Variants in FN3KRP observed in about 807,000 individuals in gnomAD.
FN3KRP encodes fructosamine 3 kinase related protein.
A neutral mutation model predicts 29.8 loss-of-function variants in FN3KRP; 33 were observed. The ratio of observed to expected loss-of-function variants is 1.11; its 90% CI spans 0.84 to 1.48. The LOEUF (loss-of-function observed/expected upper bound fraction) is 1.48, where lower values mean the gene tolerates loss of function less well. Among genes scored for constraint, FN3KRP ranks in the 40% most tolerant of loss-of-function variants. FN3KRP has a pLI of 0.00. For synonymous variants in FN3KRP, 157 were observed against 155.2 expected, an observed-to-expected ratio of 1.01 and a Z score of -0.09; for missense variants, 430 against 402.6, an observed-to-expected ratio of 1.07 and a Z score of -0.58.
At chr17:82,726,344 T>G in intron 4 of FN3KRP, 136 bp from the exon 5 acceptor site, 1 of 1,063,360 alleles carries the variant, frequency 9.4e-7, no homozygotes, top group Non-Finnish European at 1.4e-6. Flanking sequence ...GGTTCCCCCC[T>G]CAGGCTCCTG....
At chr17:82,723,685 G>A (rs960504174) in intron 4 of FN3KRP, among the ~76,000 whole-genome samples, 9 of 151,424 alleles carry the variant, frequency 5.9e-5, no homozygotes, top group African/African-American at 2.2e-4. Flanking sequence ...ATGTGTGCAG[G>A]CGTGTGTGCG....
At chr17:82,718,613 G>T (rs1339336700) in intron 1 of FN3KRP, 4 of 1,149,032 alleles carry the variant, frequency 3.5e-6, no homozygotes, top group Non-Finnish European at 4.3e-6. Flanking sequence ...GATCTTAGTG[G>T]AATATTAGTG....
Position 82,727,494 on chromosome 17 carries a change from G to A in FN3KRP, c.*323G>A, listed in dbSNP as rs1234212537. On this transcript the variant is annotated 3_prime_UTR_variant, in exon 6 of 6. Transcript: ENST00000269373. ...CCTGTGGGTGCGGGGGAGGGTATCC[G>A]GTGCGCAGGGAGGTGGCCAGCGCCC... 5 of 251,556 alleles carry A rather than the reference G, an allele frequency of 2.0e-5. No individual in the cohort carries two copies. The highest frequency in any genetic ancestry group is 1.1e-4 in the African/African-American group (5 of 45,566). The allele number at this position is 251,556 out of a possible 1,614,324, so 15.6% of individuals were successfully genotyped here.
chr17:82,726,817 A>G lies in FN3KRP; in HGVS notation c.592-16A>G. On this transcript the variant is annotated splice_polypyrimidine_tract_variant and intron_variant, in intron 5 of 5. Coordinates refer to ENST00000269373, the MANE Select transcript of FN3KRP (RefSeq NM_024619.4). ...GCGTTGATCAATTTGCTGAGGCTCC[A>G]TTTTCCTCCCTGCAGTTAAAGATCC... is the stretch of plus-strand genomic sequence containing the variant. The G allele has an allele frequency of 6.6e-7, 1 of 1,524,150 alleles. No homozygotes were observed. Among genetic ancestry groups the G allele is most frequent in the Non-Finnish European group, 8.8e-7 (1 of 1,138,416 alleles). 94.4% of individuals were successfully genotyped at this position (1,524,150 alleles called of 1,614,324 possible).
rs766105015 is a variant in FN3KRP at position 82,726,433 on chromosome 17, G to A, written c.469-47G>A. On this transcript the variant is annotated intron_variant, in intron 4 of 5. Coordinates refer to ENST00000269373, the MANE Select transcript of FN3KRP (RefSeq NM_024619.4). ...CTTGTGGGTAGCTGAGCTCTCCCTT[G>A]GTTCTGGCATTTTCCAGTGAACTGT... 6 of 1,593,690 alleles carry A rather than the reference G, an allele frequency of 3.8e-6. No individual in the cohort carries two copies. In the South Asian group the frequency reaches 6.8e-5, roughly 18 times the overall value.
chr17:82,724,488 C>G (rs545006207), intron 4 of FN3KRP, among the ~76,000 whole-genome samples: 18 of 152,056 alleles, frequency 1.2e-4, no homozygotes, highest in African/African-American at 4.3e-4. Flanking sequence ...CCTGTAATCC[C>G]AGCTACTCTG....
At position 82,726,514 on chromosome 17, in the gene FN3KRP, A is replaced by C. The variant is rs776142407; in HGVS notation, c.503A>C (p.Tyr168Ser). The C allele has an allele frequency of 6.2e-7, 1 of 1,614,116 alleles. No homozygotes were observed. The highest frequency in any genetic ancestry group is 1.1e-5 in the South Asian group (1 of 91,090). The change falls in exon 5 of 6, where the codon TAT becomes TCT. Residue 168 changes from tyrosine (Y) to serine (S), a missense_variant. By Grantham distance (144) the Tyr-to-Ser change is moderately radical. Coordinates refer to ENST00000269373, the MANE Select transcript of FN3KRP (RefSeq NM_024619.4). ...NDWQEDWVVFYARQRIQPQMD... is the reference protein window; with the variant it reads ...NDWQEDWVVFSARQRIQPQMD... Reference sequence around the variant, plus strand: ...TGGCAGGAGGACTGGGTCGTGTTCTATGCCCGGCAGCGCATTCAGCCCCAG... The same window carrying C: ...TGGCAGGAGGACTGGGTCGTGTTCTCTGCCCGGCAGCGCATTCAGCCCCAG...
Position 82,722,894 on chromosome 17 carries a change from C to T in FN3KRP, c.468+8C>T, listed in dbSNP as rs2046808555. 1 of 1,613,014 alleles carries T rather than the reference C, an allele frequency of 6.2e-7. No individual in the cohort carries two copies. Among genetic ancestry groups the T allele is most frequent in the Non-Finnish European group, 8.5e-7 (1 of 1,179,196 alleles). The stretch of plus-strand genomic sequence containing the variant: ...TGTGGATACCTCCCCCAGGTGAGTG[C>T]ACGGCGTTTGCTTCTATTTCACAAT... On this transcript the variant is annotated splice_region_variant and intron_variant, in intron 4 of 5. Coordinates refer to ENST00000269373, the MANE Select transcript of FN3KRP (RefSeq NM_024619.4).
In FN3KRP at chr17:82,727,188, AAGG is replaced by A. The variant is rs762806453; in HGVS notation, c.*21_*23del. 32 of 1,605,652 alleles carry A rather than the reference AAGG, an allele frequency of 2.0e-5. No homozygotes were observed. Among genetic ancestry groups the A allele is most frequent in the Non-Finnish European group, 2.6e-5 (30 of 1,174,506 alleles). ...GTCAAGTGAGCGGGCCTTACTCTGG[AAGG>A]AGGCCTCAGAGGTTTCTCCACAGTC... On this transcript the variant is annotated 3_prime_UTR_variant, in exon 6 of 6. Transcript: ENST00000269373.
At chr17:82,721,380 A>G (rs1466810343) in intron 3 of FN3KRP, among the ~76,000 whole-genome samples, 2 of 150,742 alleles carry the variant, frequency 1.3e-5, no homozygotes, top group African/African-American at 4.9e-5. Flanking sequence ...GAGCCACTGC[A>G]CCCTGCCTGA....
chr17:82,726,504 G>T lies in FN3KRP; in HGVS notation c.493G>T (p.Val165Phe), dbSNP rs145864431. 2.5e-6 allele frequency: 4 copies of T among 1,614,158 alleles called. No individual in the cohort carries two copies. The highest frequency in any genetic ancestry group is 3.3e-5 in the Admixed American group (2 of 60,018). Residue 165 changes from valine to phenylalanine, a missense_variant, in exon 5 of 6, where the codon GTC becomes TTC. Coordinates refer to ENST00000269373, the MANE Select transcript of FN3KRP (RefSeq NM_024619.4). ...PQVNDWQEDW[V>F]VFYARQRIQP... The stretch of plus-strand genomic sequence containing the variant: ...GGTGAATGACTGGCAGGAGGACTGG[G>T]TCGTGTTCTATGCCCGGCAGCGCAT...
At chr17:82,724,009 T>C (rs978716818) in intron 4 of FN3KRP, among the ~76,000 whole-genome samples, 8 of 151,816 alleles carry the variant, frequency 5.3e-5, no homozygotes, top group African/African-American at 1.7e-4. Flanking sequence ...TTTTTTTAAA[T>C]AAAAAAGCCC....
intron 4 of FN3KRP, among the ~76,000 whole-genome samples, chr17:82,723,212 T>C (rs948921626): frequency 6.6e-6 from 1 of 152,200 alleles, no homozygotes; most frequent in African/African-American, 2.4e-5. Flanking sequence ...TGTGATTTTA[T>C]GGTGGCTTCC....
intron 3 of FN3KRP, among the ~76,000 whole-genome samples, chr17:82,722,256 T>G (rs2046803317): frequency 6.6e-6 from 1 of 152,168 alleles, no homozygotes; most frequent in African/African-American, 2.4e-5. Flanking sequence ...TGCCTCAACC[T>G]CCCGAGTAGC....
chr17:82,722,826 A>G lies in FN3KRP; in HGVS notation c.408A>G (p.Glu136=). ...GTVGRGGGQE[E]RPFVARFGFD... ...AAGGGAGAGGAGGTGGGCAGGAGGA[A>G]CGGCCCTTTGTGGCCCGGTTTGGAT... The change falls in exon 4 of 6, where the codon GAA becomes GAG. Residue 136 remains glutamate, a synonymous_variant. Transcript: ENST00000269373. 6.2e-7 allele frequency: 1 copy of G among 1,613,946 alleles called. No homozygotes were observed. Among genetic ancestry groups the G allele is most frequent in the Non-Finnish European group, 8.5e-7 (1 of 1,180,008 alleles).
intron 1 of FN3KRP, 76 bp downstream of exon 1, chr17:82,716,972 G>C (rs1273166817): frequency 1.3e-6 from 2 of 1,503,280 alleles, no homozygotes; most frequent in East Asian, 5.4e-5. Flanking sequence ...GCGGGGCGCG[G>C]CCTGGGCTTC....
intron 1 of FN3KRP, among the ~76,000 whole-genome samples, chr17:82,717,176 C>T (rs2046762481): frequency 6.6e-6 from 1 of 152,144 alleles, no homozygotes; most frequent in South Asian, 2.1e-4. Context: ...TGAACTTTCT[C>T]TCGGGGGCGC....
intron 2 of FN3KRP, 122 bp downstream of exon 2, chr17:82,719,179 G>GAACACACACC: frequency 2.2e-6 from 2 of 907,600 alleles, no homozygotes; most frequent in Non-Finnish European, 3.4e-6. Context: ...GAGCAGGTGT[G>GAACACACACC]TGTTCACACC....
intron 3 of FN3KRP, among the ~76,000 whole-genome samples, chr17:82,721,623 C>T (rs1205728537): frequency 1.3e-5 from 2 of 151,798 alleles, no homozygotes; most frequent in African/African-American, 2.4e-5. Context: ...CTGCCTCAGC[C>T]TCCTAAGTAG....
Sources: gnomAD v4.1 joint callset for allele counts (sites outside exome capture counted in the v4.1 genomes callset) on GRCh38, gnomAD v4.1.1 for gene constraint, MANE v1.5 for transcripts, NCBI Gene and HGNC (gene_info 2026-07-23, HGNC 2026-07-21) for gene names.